Variants in PDE1C observed in about 807,000 individuals in gnomAD.
PDE1C encodes phosphodiesterase 1C.
Under a neutral mutation model 93.1 loss-of-function variants are expected in PDE1C, and 62 were observed. The ratio of observed to expected loss-of-function variants is 0.67; its 90% confidence interval spans 0.54 to 0.82. The LOEUF (loss-of-function observed/expected upper bound fraction) is 0.82, where lower values mean the gene tolerates loss of function less well. PDE1C is among the 40% of genes least tolerant of loss of function. PDE1C has a pLI of 0.00. For synonymous variants in PDE1C, 325 were observed against 310.1 expected (o/e 1.05, Z -0.50); for missense variants, 742 against 884.6 (o/e 0.84, Z 2.04).
rs566687563 is a variant in PDE1C at position 31,964,638 on chromosome 7, G to C, written c.129-83778C>G. Among the ~76,000 whole-genome samples, 9 of 152,360 alleles carry C rather than the reference G, an allele frequency of 5.9e-5. No individual in the cohort carries two copies. The East Asian group carries it at 1.7e-3, about 29-fold the overall frequency. ...TCTCCCAGCACGCAGCTGGAGATCTGAGAACGGGCAGACTGCCTCCTCAAG... is the reference window on the plus strand; with the variant it reads ...TCTCCCAGCACGCAGCTGGAGATCTCAGAACGGGCAGACTGCCTCCTCAAG... On this transcript the variant is annotated intron_variant, in intron 2 of 17. Coordinates refer to ENST00000396191, the MANE Select transcript of PDE1C (RefSeq NM_001191057.4).
intron 15 of PDE1C, among the ~76,000 whole-genome samples, chr7:31,813,035 T>A (rs1787742177): frequency 6.6e-6 from 1 of 152,156 alleles, no homozygotes; most frequent in South Asian, 2.1e-4. Flanking sequence ...TTTACATGAT[T>A]TAATGTAGAT....
chr7:32,216,849 C>T (rs568837317), intron 1 of PDE1C, among the ~76,000 whole-genome samples: 9 of 152,226 alleles, frequency 5.9e-5, no homozygotes, highest in South Asian at 2.1e-4. Flanking sequence ...GAGGGGAGAC[C>T]GGTAGGAACC....
the PDE1C span, among the ~76,000 whole-genome samples, chr7:31,679,724 CT>C: frequency 6.6e-6 from 1 of 152,338 alleles, no homozygotes. Flanking sequence ...TGCGTTGTGT[CT>C]GCCGTTATTA....
intron 2 of PDE1C, among the ~76,000 whole-genome samples, chr7:31,949,910 T>C (rs930001606): frequency 3.3e-5 from 5 of 152,228 alleles, no homozygotes; most frequent in African/African-American, 2.4e-5. Context: ...TTCGTAGATT[T>C]TCTTTTTTTC....
chr7:31,674,974 G>A, the PDE1C span, among the ~76,000 whole-genome samples: 1 of 152,160 alleles, frequency 6.6e-6, no homozygotes, highest in Non-Finnish European at 1.5e-5. Flanking sequence ...CATCTTTTAG[G>A]TATACTCACA....
intron 3 of PDE1C, among the ~76,000 whole-genome samples, chr7:32,102,714 G>A (rs575874879): frequency 2.0e-5 from 3 of 152,352 alleles, no homozygotes; most frequent in African/African-American, 7.2e-5. Context: ...GACTTTTGAG[G>A]TGAATGCTGT....
intron 1 of PDE1C, among the ~76,000 whole-genome samples, chr7:32,420,148 C>CATATATATGTGTAT (rs1785375259): frequency 2.4e-5 from 1 of 40,936 alleles, no homozygotes; most frequent in African/African-American, 7.5e-5. Flanking sequence ...CACACACACA[C>CATATATATGTGTAT]ACACACACAC....
intron 2 of PDE1C, among the ~76,000 whole-genome samples, chr7:32,026,519 C>T (rs1789459061): frequency 6.6e-6 from 1 of 152,132 alleles, no homozygotes; most frequent in Non-Finnish European, 1.5e-5. Context: ...AAAACCCTGG[C>T]AACACCAAAT....
At chr7:31,658,575 A>G in the PDE1C span, 1 of 383,218 alleles carries the variant, frequency 2.6e-6, no homozygotes. Flanking sequence ...TTAAAACAAC[A>G]AATTGTTCAT....
the PDE1C span, among the ~76,000 whole-genome samples, chr7:31,725,595 C>G: frequency 6.6e-6 from 1 of 152,140 alleles, no homozygotes. Context: ...TGAGGGAACA[C>G]TCATCAACAA....
Position 31,815,819 on chromosome 7 carries a change from C to T in PDE1C, c.1813+105G>A, listed in dbSNP as rs200426302. On this transcript the variant is annotated intron_variant, in intron 15 of 17. Transcript: ENST00000396191. ...AGAAGGAACTGGATGAGCAGGGAAG[C>T]CTTGCCCTGTGAGCTGACCCCATCA... 33 of 842,576 alleles carry T rather than the reference C, an allele frequency of 3.9e-5. No homozygotes were observed. In the East Asian group the frequency reaches 6.3e-4, roughly 16 times the overall value. The allele number at this position is 842,576 out of a possible 1,614,324, so 52.2% of individuals were successfully genotyped here.
chr7:32,397,093 A>G (rs1443534465), intron 1 of PDE1C, among the ~76,000 whole-genome samples: 1 of 152,204 alleles, frequency 6.6e-6, no homozygotes, highest in African/African-American at 2.4e-5. Context: ...CTATGACTCA[A>G]AATCCAGATG....
intron 17 of PDE1C, among the ~76,000 whole-genome samples, chr7:31,760,794 A>ACC (rs1491560943): frequency 4.4e-4 from 66 of 149,024 alleles, no homozygotes; most frequent in African/African-American, 1.3e-3. Context: ...ACACACACAC[A>ACC]CCAAACCACA....
At chr7:31,926,458 T>C (rs1803392007) in intron 2 of PDE1C, among the ~76,000 whole-genome samples, 1 of 152,152 alleles carries the variant, frequency 6.6e-6, no homozygotes, top group South Asian at 2.1e-4. Context: ...TTTTAGCAAA[T>C]AACCTCTAAC....
intron 1 of PDE1C, among the ~76,000 whole-genome samples, chr7:32,307,811 A>G (rs995950980): frequency 2.0e-5 from 3 of 152,348 alleles, no homozygotes; most frequent in Middle Eastern, 3.4e-3. Flanking sequence ...AGCGACACAG[A>G]AGACGGGTGA....
chr7:31,767,512 C>G (rs764138891), intron 17 of PDE1C, among the ~76,000 whole-genome samples: 1 of 152,172 alleles, frequency 6.6e-6, no homozygotes, highest in Non-Finnish European at 1.5e-5. Context: ...CCTGAGGCCT[C>G]CCCAGAAGAA....
intron 1 of PDE1C, among the ~76,000 whole-genome samples, chr7:32,383,143 C>T (rs17161289): frequency 0.039 from 5,951 of 152,250 alleles, 300 homozygotes; most frequent in African/African-American, 0.11. Context: ...CAGATAATCA[C>T]GCTCAAAACA....
chr7:32,263,567 A>G (rs930314798), intron 1 of PDE1C, among the ~76,000 whole-genome samples: 4 of 152,116 alleles, frequency 2.6e-5, no homozygotes, highest in Non-Finnish European at 5.9e-5. Context: ...TCTCCCATAC[A>G]CACTCCAGTT....
At chr7:31,667,577 G>T in the PDE1C span, among the ~76,000 whole-genome samples, 6 of 152,058 alleles carry the variant, frequency 3.9e-5, no homozygotes, top group African/African-American at 1.4e-4. Flanking sequence ...GATAGGCCTT[G>T]CTTTCATATG....
Sources: gnomAD v4.1 joint callset for allele counts (sites outside exome capture counted in the v4.1 genomes callset) on GRCh38, gnomAD v4.1.1 for gene constraint, MANE v1.5 for transcripts, NCBI Gene and HGNC (gene_info 2026-07-23, HGNC 2026-07-21) for gene names.